The following KLHL13 variants were observed in gnomAD, a reference collection of about 807,000 sequenced individuals.
KLHL13 encodes the protein kelch-like protein 13.
Under a neutral mutation model 37.1 loss-of-function variants are expected in KLHL13, and 10 were observed. That is an observed-to-expected ratio of 0.27 (90% CI 0.17 to 0.46). The LOEUF (loss-of-function observed/expected upper bound fraction) is 0.46. Ranked by LOEUF, KLHL13 falls within the 20% of genes least tolerant of loss-of-function variation. KLHL13 has a pLI of 1.00. For synonymous variants in KLHL13, 163 were observed against 181.2 expected, an observed-to-expected ratio of 0.90 and a Z score of 0.81; for missense variants, 360 against 509.3, an observed-to-expected ratio of 0.71 and a Z score of 2.82.
intron 1 of KLHL13, among the ~76,000 whole-genome samples, chrX:118,045,268 G>T (rs1276670563): frequency 9.2e-6 from 1 of 108,604 alleles, no homozygotes; most frequent in Non-Finnish European, 1.9e-5. Context: ...CAGTTACTAG[G>T]GAGGCTGAGG....
At chrX:118,070,462 A>G (rs1192946143) in intron 1 of KLHL13, among the ~76,000 whole-genome samples, 2 of 111,966 alleles carry the variant, frequency 1.8e-5, no homozygotes, top group African/African-American at 6.5e-5. Context: ...AATATACTCT[A>G]ATTTTCAGTC....
intron 1 of KLHL13, among the ~76,000 whole-genome samples, chrX:118,063,751 A>G (rs2054766567): frequency 9.0e-6 from 1 of 111,151 alleles, no homozygotes; most frequent in Non-Finnish European, 1.9e-5. Context: ...AAATTCCTCT[A>G]TTTCAAAAAG....
intron 1 of KLHL13, among the ~76,000 whole-genome samples, chrX:117,948,131 A>G (rs1933412033): frequency 9.8e-6 from 1 of 101,900 alleles, no homozygotes; most frequent in African/African-American, 4.3e-5. Flanking sequence ...AACATCCTAC[A>G]AAACAGGACA....
At chrX:117,947,960 T>G (rs1933403231) in intron 1 of KLHL13, 1 of 112,362 alleles carries the variant, frequency 8.9e-6, no homozygotes, top group Non-Finnish European at 1.9e-5. Flanking sequence ...ATAACAGTTT[T>G]TAATCTGATG....
chrX:117,915,064 G>A (rs1931253374), intron 4 of KLHL13, among the ~76,000 whole-genome samples: 1 of 111,707 alleles, frequency 9.0e-6, no homozygotes, highest in South Asian at 3.8e-4. Flanking sequence ...GTCAAGACTG[G>A]TTTGGTGGGG....
intron 1 of KLHL13, among the ~76,000 whole-genome samples, chrX:117,981,162 A>G (rs1017724915): frequency 8.9e-6 from 1 of 112,323 alleles, no homozygotes; most frequent in African/African-American, 3.2e-5. Context: ...CTGTGCCTGC[A>G]AACAGAAATT....
At chrX:118,012,990 A>G (rs892524169) in intron 1 of KLHL13, among the ~76,000 whole-genome samples, 18 of 112,055 alleles carry the variant, frequency 1.6e-4, no homozygotes, top group Non-Finnish European at 3.0e-4. Context: ...CGGTGGGATT[A>G]GTGCACAAGA....
At chrX:118,104,248 C>T (rs1402205285) in intron 1 of KLHL13, among the ~76,000 whole-genome samples, 1 of 110,426 alleles carries the variant, frequency 9.1e-6, no homozygotes, top group South Asian at 3.9e-4. Flanking sequence ...CCATAACACA[C>T]CACCCCAATA....
At chrX:118,006,298 C>T (rs2053981529) in intron 1 of KLHL13, among the ~76,000 whole-genome samples, 1 of 111,235 alleles carries the variant, frequency 9.0e-6, no homozygotes, top group Non-Finnish European at 1.9e-5. Context: ...ATGTATTTTA[C>T]CAAAGAAGGG....
chrX:117,974,155 T>A (rs2053568956), upstream of KLHL13, among the ~76,000 whole-genome samples: 1 of 111,639 alleles, frequency 9.0e-6, no homozygotes, highest in Non-Finnish European at 1.9e-5. Flanking sequence ...TTCTACACAA[T>A]TCTAAAAAGT....
chrX:117,952,167 C>T (rs780365199), intron 1 of KLHL13, among the ~76,000 whole-genome samples: 1 of 111,860 alleles, frequency 8.9e-6, no homozygotes, highest in South Asian at 3.8e-4. Flanking sequence ...TACAAGACTA[C>T]AGTAATCAAA....
intron 1 of KLHL13, among the ~76,000 whole-genome samples, chrX:118,001,389 A>G (rs2147967055): frequency 8.9e-6 from 1 of 112,337 alleles, no homozygotes; most frequent in African/African-American, 3.2e-5. Flanking sequence ...TCCAACAACA[A>G]AATTTTTCAT....
At chrX:117,901,232 G>A (rs1930068066) in intron 6 of KLHL13, among the ~76,000 whole-genome samples, 1 of 111,325 alleles carries the variant, frequency 9.0e-6, no homozygotes, top group Admixed American at 9.6e-5. Flanking sequence ...GTTATATAAT[G>A]ATACACTCCT....
chrX:117,950,123 G>A lies in KLHL13; in HGVS notation c.99-4548C>T, dbSNP rs6646009. Among the ~76,000 whole-genome samples the A allele has an allele frequency of 7.0e-3, 789 of 112,444 alleles. 5 individuals carry two copies. The highest frequency in any genetic ancestry group is 0.022 in the African/African-American group (693 of 30,990). On this transcript the variant is annotated intron_variant, in intron 1 of 6. Coordinates refer to ENST00000262820, the Ensembl canonical transcript of KLHL13. ...TGCCATCATTTCATTACCAAAAAAG[G>A]TTAAATCTAACAATATATGCTAAAA...
At chrX:117,922,106 T>G (rs1195273820) in intron 2 of KLHL13, among the ~76,000 whole-genome samples, 6 of 111,711 alleles carry the variant, frequency 5.4e-5, no homozygotes, top group Non-Finnish European at 9.4e-5. Flanking sequence ...AAAATAATAA[T>G]AGCTCATCTT....
Position 117,921,608 on chromosome X carries a change from T to C in KLHL13, c.241-1238A>G, listed in dbSNP as rs184370396. ...TATAATACAGTAAGAACCAACAGCATTGATTACTCTGTCCCCTTCATATTT... is the reference window on the plus strand; with the variant it reads ...TATAATACAGTAAGAACCAACAGCACTGATTACTCTGTCCCCTTCATATTT... On this transcript the variant is annotated intron_variant, in intron 2 of 6. Transcript: ENST00000262820. 2.8e-3 allele frequency among the ~76,000 whole-genome samples: 314 copies of C among 112,052 alleles called. 1 individual carries two copies. The highest frequency in any genetic ancestry group is 9.5e-3 in the African/African-American group (292 of 30,885).
At chrX:118,013,879 C>T (rs770245936) in intron 1 of KLHL13, among the ~76,000 whole-genome samples, 2 of 112,415 alleles carry the variant, frequency 1.8e-5, no homozygotes, top group South Asian at 7.4e-4. Flanking sequence ...AATCTCTGAA[C>T]ATAAATTGTG....
At chrX:118,087,296 T>C (rs949542582) in intron 1 of KLHL13, among the ~76,000 whole-genome samples, 1 of 110,119 alleles carries the variant, frequency 9.1e-6, no homozygotes, top group African/African-American at 3.3e-5. Context: ...GATGGCCCAT[T>C]CCGTACTTCA....
At chrX:118,080,046 A>G (rs2054973203) in intron 1 of KLHL13, among the ~76,000 whole-genome samples, 1 of 111,994 alleles carries the variant, frequency 8.9e-6, no homozygotes. Context: ...CTCCCTATTC[A>G]ATAAATGGTG....
Sources: gnomAD v4.1 joint callset for allele counts (sites outside exome capture counted in the v4.1 genomes callset) on GRCh38, gnomAD v4.1.1 for gene constraint, MANE v1.5 for transcripts, NCBI Gene and HGNC (gene_info 2026-07-23, HGNC 2026-07-21) for gene names.